The following ABHD2 variants were observed in gnomAD, a reference collection of about 807,000 sequenced individuals.
ABHD2 encodes the protein monoacylglycerol lipase ABHD2.
A neutral mutation model predicts 48.1 loss-of-function variants in ABHD2; 20 were observed. The ratio of observed to expected loss-of-function variants is 0.42; its 90% confidence interval spans 0.29 to 0.60. The LOEUF (loss-of-function observed/expected upper bound fraction) is 0.60, where lower values mean the gene tolerates loss of function less well. ABHD2 is among the 20% of genes least tolerant of loss of function. The pLI, the probability that ABHD2 is intolerant of heterozygous loss-of-function variation, is 0.24. For synonymous variants in ABHD2, 209 were observed against 214.2 expected (o/e 0.98, Z 0.21); for missense variants, 405 against 550.9 (o/e 0.74, Z 2.65).
At position 89,156,058 on chromosome 15, in the gene ABHD2, G is replaced by A. The variant is rs374319334; in HGVS notation, c.538+524G>A. Among the ~76,000 whole-genome samples, 10 of 152,026 alleles carry A rather than the reference G, an allele frequency of 6.6e-5. No individual in the cohort carries two copies. In the East Asian group the frequency reaches 1.5e-3, roughly 23 times the overall value. On this transcript the variant is annotated intron_variant, in intron 5 of 10. Coordinates refer to ENST00000352732, the MANE Select transcript of ABHD2 (RefSeq NM_152924.5). ...TTGAATTAAAATTTTGTGTTAGCTG[G>A]GCCAGTTGTGGTGGCTCATGCCTGT...
Position 89,166,272 on chromosome 15 carries a change from G to T in ABHD2, c.539-9540G>T, listed in dbSNP as rs1432381759. ...TCTCCCACCAAAACACCAAGCTGGG[G>T]CATTTGGCATTGAAAATGGCCTCGA... is the stretch of plus-strand genomic sequence containing the variant. On this transcript the variant is annotated intron_variant, in intron 5 of 10. Coordinates refer to ENST00000352732, the MANE Select transcript of ABHD2 (RefSeq NM_152924.5). This position sits in a 1 kb window ranked among gnomAD's most constrained non-coding sequence, Gnocchi z 4.6. Among the ~76,000 whole-genome samples the T allele has an allele frequency of 6.6e-6, 1 of 152,146 alleles. No individual in the cohort carries two copies. Among genetic ancestry groups the T allele is most frequent in the African/African-American group, 2.4e-5 (1 of 41,426 alleles).
At chr15:89,149,118 T>G (rs2050547240) in intron 3 of ABHD2, among the ~76,000 whole-genome samples, 1 of 152,070 alleles carries the variant, frequency 6.6e-6, no homozygotes, top group South Asian at 2.1e-4. Context: ...CAGTAGGTAT[T>G]GTCATAAAAT....
intron 3 of ABHD2, among the ~76,000 whole-genome samples, chr15:89,127,581 G>A (rs554766251): frequency 6.6e-6 from 1 of 151,836 alleles, no homozygotes; most frequent in Non-Finnish European, 1.5e-5. Context: ...TCTTACTGAT[G>A]TAAAGTGAGA....
chr15:89,063,167 C>T, the ABHD2 span, among the ~76,000 whole-genome samples: 1 of 152,018 alleles, frequency 6.6e-6, no homozygotes, highest in Non-Finnish European at 1.5e-5. Flanking sequence ...GGGGTTTTAC[C>T]ATGTTGGCCA....
At position 89,094,629 on chromosome 15, in the gene ABHD2, A is replaced by G. The variant is rs930665191; in HGVS notation, c.-107+6066A>G. Among the ~76,000 whole-genome samples the G allele has an allele frequency of 4.0e-4, 60 of 151,574 alleles. No individual in the cohort carries two copies. Among genetic ancestry groups the G allele is most frequent in the African/African-American group, 1.4e-3 (57 of 41,210 alleles). The stretch of plus-strand genomic sequence containing the variant: ...AGACTGAGGCAGGAGAATCACTTGA[A>G]CCCAGGAGGCAGAGGCTGCCGTGAG... On this transcript the variant is annotated intron_variant, in intron 1 of 10. Coordinates refer to ENST00000352732, the MANE Select transcript of ABHD2 (RefSeq NM_152924.5). The surrounding 1 kb of genome is among the most constrained non-coding windows in gnomAD (Gnocchi z 4.7).
At chr15:89,085,487 A>G (rs575252819), upstream of ABHD2, among the ~76,000 whole-genome samples, 4 of 152,158 alleles carry the variant, frequency 2.6e-5, no homozygotes, top group Non-Finnish European at 5.9e-5. This position sits in a 1 kb window ranked among gnomAD's most constrained non-coding sequence, Gnocchi z 4.2. Context: ...AATTAAGGAA[A>G]CAGTTCTGTG....
intron 1 of ABHD2, among the ~76,000 whole-genome samples, chr15:89,089,818 G>A (rs1039322482): frequency 6.6e-6 from 1 of 152,346 alleles, no homozygotes; most frequent in East Asian, 1.9e-4. Context: ...ACACCTTGCT[G>A]TGTGTTTTAG....
At chr15:89,119,246 T>C (rs1424716005) in intron 3 of ABHD2, among the ~76,000 whole-genome samples, 2 of 152,192 alleles carry the variant, frequency 1.3e-5, no homozygotes, top group African/African-American at 4.8e-5. Context: ...TCTTAGAGCA[T>C]GTTGGAGCAT....
chr15:89,170,080 CTTTTTTTTTT>C (rs748983183), intron 5 of ABHD2, among the ~76,000 whole-genome samples: 25 of 37,498 alleles, frequency 6.7e-4, no homozygotes, highest in South Asian at 1.6e-3. Flanking sequence ...AGATCAGATT[CTTTTTTTTTT>C]TTTTTTTTTT....
At chr15:89,086,616 T>G (rs200324884), upstream of ABHD2, among the ~76,000 whole-genome samples, 8 of 152,318 alleles carry the variant, frequency 5.3e-5, no homozygotes, top group East Asian at 1.5e-3. Flanking sequence ...GGTCTCACTA[T>G]GTTGCCCAGG....
At position 89,137,530 on chromosome 15, in the gene ABHD2, A is replaced by G. The variant is rs1304349071; in HGVS notation, c.195-14147A>G. Among the ~76,000 whole-genome samples the G allele has an allele frequency of 6.6e-6, 1 of 152,182 alleles. No homozygotes were observed. Among genetic ancestry groups the G allele is most frequent in the Non-Finnish European group, 1.5e-5 (1 of 68,022 alleles). ...CCTGGCCCAGTGGCCTCCGTCCTGTATTTAGAAACCAGTTCGGGAACGGAA... is the reference window on the plus strand; with the variant it reads ...CCTGGCCCAGTGGCCTCCGTCCTGTGTTTAGAAACCAGTTCGGGAACGGAA... On this transcript the variant is annotated intron_variant, in intron 3 of 10. Coordinates refer to ENST00000352732, the MANE Select transcript of ABHD2 (RefSeq NM_152924.5). The surrounding 1 kb of genome is among the most constrained non-coding windows in gnomAD (Gnocchi z 4.8).
chr15:89,198,533 A>C lies in ABHD2; in HGVS notation c.*3110A>C, dbSNP rs1169703116. On this transcript the variant is annotated 3_prime_UTR_variant, in exon 11 of 11. Coordinates refer to ENST00000352732, the MANE Select transcript of ABHD2 (RefSeq NM_152924.5). The surrounding 1 kb of genome is among the most constrained non-coding windows in gnomAD (Gnocchi z 5.1). The stretch of plus-strand genomic sequence containing the variant: ...AAGCTGTTGGTTACAATATTCTTTT[A>C]ACCTCTCTGCAGCATTTTACACTTA... 1 of 152,244 alleles carries C rather than the reference A, an allele frequency of 6.6e-6. No homozygotes were observed. Among genetic ancestry groups the C allele is most frequent in the Non-Finnish European group, 1.5e-5 (1 of 68,034 alleles). The allele number at this position is 152,244 out of a possible 1,614,324, so 9.4% of individuals were successfully genotyped here.
Position 89,196,729 on chromosome 15 carries a change from A to G in ABHD2, c.*1306A>G, listed in dbSNP as rs2051409558. The G allele has an allele frequency of 1.3e-5, 2 of 152,318 alleles. No individual in the cohort carries two copies. The highest frequency in any genetic ancestry group is 2.1e-4 in the South Asian group (1 of 4,832). 9.4% of individuals were successfully genotyped at this position (152,318 alleles called of 1,614,324 possible). A position where few individuals can be genotyped will look rare whatever the true frequency, so the allele number is the denominator to read the frequency against. On this transcript the variant is annotated 3_prime_UTR_variant, in exon 11 of 11. Transcript: ENST00000352732. ...CTGAGTTTGGAGAAAGATATTTCCA[A>G]CCTAAGTGGGTATTATTTTGAAACC...
At chr15:89,147,854 A>G (rs1474304693) in intron 3 of ABHD2, among the ~76,000 whole-genome samples, 3 of 151,552 alleles carry the variant, frequency 2.0e-5, no homozygotes, top group Non-Finnish European at 4.4e-5. Flanking sequence ...CACGCCTGTA[A>G]TGCCAGCACT....
chr15:89,139,061 A>T (rs921498329), intron 3 of ABHD2, among the ~76,000 whole-genome samples: 1 of 151,878 alleles, frequency 6.6e-6, no homozygotes, highest in South Asian at 2.1e-4. Context: ...ACAAAAAAAA[A>T]TTAACTGGGC....
chr15:89,194,373 C>T (rs2051359024), intron 10 of ABHD2, among the ~76,000 whole-genome samples: 1 of 151,850 alleles, frequency 6.6e-6, no homozygotes, highest in Non-Finnish European at 1.5e-5. Flanking sequence ...GTGGTACATG[C>T]TACTGGAGAG....
chr15:89,118,146 C>T (rs1596079696), intron 3 of ABHD2, among the ~76,000 whole-genome samples: 1 of 152,014 alleles, frequency 6.6e-6, no homozygotes, highest in Non-Finnish European at 1.5e-5. Flanking sequence ...TGAAAATCAT[C>T]CAGTATTTGT....
At chr15:89,046,108 A>G in the ABHD2 span, among the ~76,000 whole-genome samples, 3 of 152,170 alleles carry the variant, frequency 2.0e-5, no homozygotes, top group Non-Finnish European at 4.4e-5. Context: ...TAGCATGAAG[A>G]TTTGTTGAAT....
chr15:89,062,078 G>A, the ABHD2 span, among the ~76,000 whole-genome samples: 58,844 of 151,820 alleles, frequency 0.39, 12,147 homozygotes, highest in East Asian at 0.52. Context: ...TTAAGCTCAC[G>A]GCTACCACCA....
Sources: gnomAD v4.1 joint callset for allele counts (sites outside exome capture counted in the v4.1 genomes callset) on GRCh38, gnomAD v4.1.1 for gene constraint, Gnocchi (gnomAD v3.1) non-coding constraint, MANE v1.5 for transcripts, NCBI Gene and HGNC (gene_info 2026-07-23, HGNC 2026-07-21) for gene names.